The following FBXO16 variants were observed in gnomAD, a reference collection of about 807,000 sequenced individuals.
The protein encoded by FBXO16 is F-box protein 16, also known as F-box only protein 16.
FBXO16 carries 31 observed loss-of-function variants against 41.0 expected under a neutral mutation model. The ratio of observed to expected loss-of-function variants is 0.76; its 90% confidence interval spans 0.57 to 1.02. The LOEUF (loss-of-function observed/expected upper bound fraction) is 1.02, where lower values mean the gene tolerates loss of function less well. Among genes scored for constraint, FBXO16 ranks in the 50% least tolerant of loss-of-function variants. The probability of loss-of-function intolerance (pLI) is 0.00; values close to 1 mark genes in which losing one functional copy is unlikely to be tolerated. For missense variants in FBXO16, 361 were observed against 346.2 expected, an observed-to-expected ratio of 1.04 and a Z score of -0.34; for synonymous variants, 133 against 117.8, an observed-to-expected ratio of 1.13 and a Z score of -0.84.
chr8:28,474,586 T>A (rs1466661412), intron 2 of FBXO16, among the ~76,000 whole-genome samples: 1 of 152,142 alleles, frequency 6.6e-6, no homozygotes, highest in Non-Finnish European at 1.5e-5. Flanking sequence ...GTTTTTCTAT[T>A]TCAGTGTATA....
intron 7 of FBXO16, among the ~76,000 whole-genome samples, chr8:28,437,064 T>C (rs151146146): frequency 7.6e-4 from 115 of 152,316 alleles, no homozygotes; most frequent in African/African-American, 2.6e-3. Flanking sequence ...TACATACATA[T>C]ATATTAAACC....
At chr8:28,439,657 C>T (rs1347994055) in intron 7 of FBXO16, among the ~76,000 whole-genome samples, 2 of 151,880 alleles carry the variant, frequency 1.3e-5, no homozygotes, top group South Asian at 2.1e-4. Context: ...GTGGGAGGAT[C>T]CCCTGAGCTC....
chr8:28,471,805 CAAAAAAAAAAAA>C (rs557259701), intron 3 of FBXO16, among the ~76,000 whole-genome samples: 3 of 23,750 alleles, frequency 1.3e-4, no homozygotes, highest in East Asian at 4.0e-3. Context: ...CAGAGAATCT[CAAAAAAAAAAAA>C]AAAAAAAAAA....
At chr8:28,436,289 T>C (rs1802686033) in intron 7 of FBXO16, among the ~76,000 whole-genome samples, 1 of 152,178 alleles carries the variant, frequency 6.6e-6, no homozygotes, top group South Asian at 2.1e-4. Context: ...CCCAGAAAGC[T>C]GCTCAGTCCT....
In FBXO16 at chr8:28,428,574, G is replaced by C; in HGVS notation, c.*153C>G. ...GTCTTTCCATGTTCAGTCCACTTTG[G>C]CTCTGGAACCTGGATGAGTCATGCT... On this transcript the variant is annotated 3_prime_UTR_variant, in exon 9 of 9. Coordinates refer to ENST00000380254, the MANE Select transcript of FBXO16 (RefSeq NM_172366.4). 1 of 1,550,360 alleles carries C rather than the reference G, an allele frequency of 6.5e-7. No homozygotes were observed. Among genetic ancestry groups the C allele is most frequent in the Non-Finnish European group, 8.7e-7 (1 of 1,146,874 alleles).
intron 7 of FBXO16, among the ~76,000 whole-genome samples, chr8:28,432,158 TG>T (rs1802616324): frequency 6.6e-6 from 1 of 151,808 alleles, no homozygotes; most frequent in South Asian, 2.1e-4. Flanking sequence ...TGTGTGTGTG[TG>T]TGTGTGTGTG....
At chr8:28,481,308 T>C (rs928781835) in intron 2 of FBXO16, among the ~76,000 whole-genome samples, 17 of 152,206 alleles carry the variant, frequency 1.1e-4, no homozygotes, top group African/African-American at 4.1e-4. Context: ...GTGACTGCAG[T>C]GTACTAGACA....
chr8:28,476,154 A>G (rs545767917), intron 2 of FBXO16, among the ~76,000 whole-genome samples: 1 of 152,246 alleles, frequency 6.6e-6, no homozygotes, highest in Non-Finnish European at 1.5e-5. Context: ...CACTGGAAAC[A>G]AAAGGAAACT....
chr8:28,484,677 C>T (rs925723609), intron 1 of FBXO16, among the ~76,000 whole-genome samples: 5 of 152,206 alleles, frequency 3.3e-5, no homozygotes, highest in Non-Finnish European at 7.3e-5. Context: ...CTGCAAGCTC[C>T]GCCTTCCGGG....
At chr8:28,447,493 T>A (rs929428005) in intron 6 of FBXO16, 3 of 495,504 alleles carry the variant, frequency 6.1e-6, no homozygotes, top group East Asian at 7.3e-5. Flanking sequence ...GAAAGCAGGA[T>A]GTTTCTATAT....
chr8:28,432,223 C>T (rs1802617782), intron 7 of FBXO16, among the ~76,000 whole-genome samples: 1 of 151,734 alleles, frequency 6.6e-6, no homozygotes, highest in Admixed American at 6.6e-5. Context: ...CCTGTAATCC[C>T]AGCACTTTGG....
At chr8:28,478,081 AC>A (rs1309313621) in intron 2 of FBXO16, among the ~76,000 whole-genome samples, 2 of 152,218 alleles carry the variant, frequency 1.3e-5, no homozygotes, top group African/African-American at 4.8e-5. Flanking sequence ...GCATTTGTAC[AC>A]AACTTACGTG....
intron 3 of FBXO16, among the ~76,000 whole-genome samples, chr8:28,468,636 C>A (rs1054914060): frequency 1.3e-5 from 2 of 151,914 alleles, no homozygotes; most frequent in South Asian, 4.2e-4. Context: ...GAGTTCAAGA[C>A]CAAAACCAGC....
intron 7 of FBXO16, among the ~76,000 whole-genome samples, chr8:28,433,098 A>G (rs1291423890): frequency 6.9e-6 from 1 of 145,916 alleles, no homozygotes; most frequent in Non-Finnish European, 1.5e-5. Context: ...ACAAACAAAC[A>G]AAACATAACA....
chr8:28,433,095 AAC>A (rs1802635580), intron 7 of FBXO16, among the ~76,000 whole-genome samples: 1 of 146,042 alleles, frequency 6.8e-6, no homozygotes, highest in African/African-American at 2.8e-5. Context: ...CAAACAAACA[AAC>A]AAAACATAAC....
chr8:28,456,540 C>A, intron 5 of FBXO16: 1 of 470,082 alleles, frequency 2.1e-6, no homozygotes. Context: ...TGGTCCTAAC[C>A]GCCGGGATGC....
Position 28,436,115 on chromosome 8 carries a change from C to T in FBXO16, c.844-6712G>A, listed in dbSNP as rs115377800. Among the ~76,000 whole-genome samples the T allele has an allele frequency of 4.0e-3, 603 of 152,232 alleles. 3 individuals are homozygous for T. Among genetic ancestry groups the T allele is most frequent in the African/African-American group, 0.013 (528 of 41,550 alleles). ...GGAGATGGCTGAGGAGGTCCTCCCT[C>T]GGGGGCCTTCTTCTAAGAAGAAGGC... On this transcript the variant is annotated intron_variant, in intron 7 of 8. Coordinates refer to ENST00000380254, the MANE Select transcript of FBXO16 (RefSeq NM_172366.4).
intron 7 of FBXO16, among the ~76,000 whole-genome samples, chr8:28,439,932 T>C (rs893719554): frequency 6.6e-6 from 1 of 151,720 alleles, no homozygotes; most frequent in South Asian, 2.1e-4. Flanking sequence ...AAACATAAAA[T>C]AGTTTGTGTT....
intron 1 of FBXO16, among the ~76,000 whole-genome samples, chr8:28,484,829 A>G (rs1803575430): frequency 6.6e-6 from 1 of 151,952 alleles, no homozygotes; most frequent in African/African-American, 2.4e-5. Context: ...TCCTGACCTC[A>G]TGATCCACCC....
Sources: gnomAD v4.1 joint callset for allele counts (sites outside exome capture counted in the v4.1 genomes callset) on GRCh38, gnomAD v4.1.1 for gene constraint, MANE v1.5 for transcripts, NCBI Gene and HGNC (gene_info 2026-07-23, HGNC 2026-07-21) for gene names.